Variants in TBC1D22A observed in about 807,000 individuals in gnomAD.
TBC1D22A encodes the protein putative GTPase activator.
Under a neutral mutation model 60.2 loss-of-function variants are expected in TBC1D22A, and 38 were observed. The observed-to-expected ratio is 0.63, with a 90% CI of 0.49 to 0.83. The LOEUF is 0.83. Among genes scored for constraint, TBC1D22A ranks in the 40% least tolerant of loss-of-function variants. The pLI, the probability that TBC1D22A is intolerant of heterozygous loss-of-function variation, is 0.00. For missense variants in TBC1D22A, 628 were observed against 701.0 expected (o/e 0.90, Z 1.18); for synonymous variants, 302 against 281.7 (o/e 1.07, Z -0.72).
chr22:46,998,885 G>T (rs573147519), intron 10 of TBC1D22A, among the ~76,000 whole-genome samples: 1 of 152,220 alleles, frequency 6.6e-6, no homozygotes, highest in South Asian at 2.1e-4. Context: ...TGCGCTCACC[G>T]CACGCTCCAC....
At chr22:47,043,412 T>G (rs1418687736) in intron 11 of TBC1D22A, among the ~76,000 whole-genome samples, 1 of 152,188 alleles carries the variant, frequency 6.6e-6, no homozygotes, top group Non-Finnish European at 1.5e-5. Context: ...TCAGCACACC[T>G]GCAGTGCTCC....
In TBC1D22A at chr22:47,077,912, C is replaced by T. The variant is rs559180751; in HGVS notation, c.1330-33596C>T. 9.2e-5 allele frequency among the ~76,000 whole-genome samples: 14 copies of T among 152,366 alleles called. No individual in the cohort carries two copies. The South Asian group carries it at 2.9e-3, about 32-fold the overall frequency. ...ATTTGCACAGAACTTGGCCCACAGT[C>T]TGTACTCAGTACCTCACGGTTTTCT... On this transcript the variant is annotated intron_variant, in intron 11 of 12. Transcript: ENST00000337137.
At chr22:46,828,307 A>T (rs1462979363) in intron 4 of TBC1D22A, among the ~76,000 whole-genome samples, 5 of 152,276 alleles carry the variant, frequency 3.3e-5, no homozygotes, top group African/African-American at 1.2e-4. Flanking sequence ...AGGAAGAAAG[A>T]CAAAGGAATT....
At chr22:46,971,162 A>G (rs774077846) in intron 8 of TBC1D22A, among the ~76,000 whole-genome samples, 2 of 152,244 alleles carry the variant, frequency 1.3e-5, no homozygotes, top group Non-Finnish European at 2.9e-5. Context: ...CAAATGGCCC[A>G]TTGTGAGAAA....
intron 8 of TBC1D22A, among the ~76,000 whole-genome samples, chr22:46,946,538 C>T (rs183624009): frequency 6.6e-6 from 1 of 152,322 alleles, no homozygotes; most frequent in Admixed American, 6.5e-5. Context: ...TCCAAGGGCA[C>T]AGGTGGCCGC....
At chr22:46,942,731 A>T (rs900761368) in intron 8 of TBC1D22A, among the ~76,000 whole-genome samples, 2 of 152,176 alleles carry the variant, frequency 1.3e-5, no homozygotes, top group Admixed American at 1.3e-4. Context: ...TCCCCGAGGG[A>T]TCCTTGCTGA....
intron 8 of TBC1D22A, among the ~76,000 whole-genome samples, chr22:46,924,561 G>A (rs1263125706): frequency 4.6e-5 from 7 of 152,186 alleles, no homozygotes; most frequent in Middle Eastern, 3.4e-3. Context: ...CCCGACCAAC[G>A]TGGTGAAACC....
At chr22:46,999,933 A>G (rs2075255802) in intron 10 of TBC1D22A, among the ~76,000 whole-genome samples, 1 of 152,128 alleles carries the variant, frequency 6.6e-6, no homozygotes, top group Non-Finnish European at 1.5e-5. Flanking sequence ...GCTGAGTCAG[A>G]AGACTGGCGT....
intron 10 of TBC1D22A, among the ~76,000 whole-genome samples, chr22:47,036,201 C>T (rs140748847): frequency 2.6e-5 from 4 of 152,216 alleles, no homozygotes; most frequent in Admixed American, 2.0e-4. Flanking sequence ...ATCCACTATC[C>T]GGCTCAATTG....
At chr22:47,042,287 G>C (rs131888) in intron 11 of TBC1D22A, among the ~76,000 whole-genome samples, 97,636 of 151,922 alleles carry the variant, frequency 0.64, 32,362 homozygotes, top group East Asian at 0.92. Context: ...CCGGGAGCCA[G>C]GGCTGCCACT....
chr22:47,123,157 C>T (rs368569085), intron 12 of TBC1D22A, among the ~76,000 whole-genome samples: 1 of 152,120 alleles, frequency 6.6e-6, no homozygotes, highest in Non-Finnish European at 1.5e-5. Flanking sequence ...TGGGTGGAAT[C>T]GCTTTGCTTT....
At chr22:46,867,273 C>T (rs187756894) in intron 4 of TBC1D22A, among the ~76,000 whole-genome samples, 27 of 152,178 alleles carry the variant, frequency 1.8e-4, no homozygotes, top group Non-Finnish European at 3.5e-4. Flanking sequence ...ATGCTGCTGC[C>T]AGTGCTTGGA....
At chr22:47,083,512 G>A (rs1388294222) in intron 11 of TBC1D22A, among the ~76,000 whole-genome samples, 2 of 152,138 alleles carry the variant, frequency 1.3e-5, no homozygotes, top group Non-Finnish European at 2.9e-5. Context: ...TTCTCCCCAG[G>A]TAGTGAGGCT....
intron 11 of TBC1D22A, among the ~76,000 whole-genome samples, chr22:47,039,541 A>G (rs916747515): frequency 2.0e-5 from 3 of 151,972 alleles, no homozygotes; most frequent in Non-Finnish European, 2.9e-5. Flanking sequence ...ACACCTTCCC[A>G]GGCCCTGAAC....
intron 11 of TBC1D22A, among the ~76,000 whole-genome samples, chr22:47,110,097 G>A (rs962938313): frequency 4.6e-5 from 7 of 152,262 alleles, no homozygotes; most frequent in East Asian, 1.9e-4. Flanking sequence ...TGGTCTCCTC[G>A]CTTTTGGAAC....
At chr22:47,012,100 C>T (rs960437696) in intron 10 of TBC1D22A, among the ~76,000 whole-genome samples, 5 of 152,124 alleles carry the variant, frequency 3.3e-5, no homozygotes, top group African/African-American at 4.8e-5. Flanking sequence ...TCCCAGCAAT[C>T]GACCATCGTG....
intron 8 of TBC1D22A, among the ~76,000 whole-genome samples, chr22:46,949,816 T>C (rs1447900037): frequency 6.6e-6 from 1 of 152,172 alleles, no homozygotes; most frequent in African/African-American, 2.4e-5. Flanking sequence ...CGGTCAGCAG[T>C]GACGGGAGTG....
intron 4 of TBC1D22A, among the ~76,000 whole-genome samples, chr22:46,841,046 G>GT (rs56367266): frequency 0.31 from 45,223 of 145,838 alleles, 7,268 homozygotes; most frequent in South Asian, 0.47. Flanking sequence ...TAATGAAAAT[G>GT]GGTGTGTGTG....
At chr22:46,839,232 C>A (rs1218215024) in intron 4 of TBC1D22A, among the ~76,000 whole-genome samples, 1 of 149,356 alleles carries the variant, frequency 6.7e-6, no homozygotes, top group East Asian at 2.0e-4. Flanking sequence ...AAGAAAGCCC[C>A]ATTTACAATA....
Sources: allele counts gnomAD v4.1 joint callset (sites outside exome capture counted in the v4.1 genomes callset), GRCh38; gene constraint gnomAD v4.1.1; transcripts MANE v1.5; gene names NCBI Gene and HGNC (gene_info 2026-07-23, HGNC 2026-07-21).